MCPH1: variants seen among roughly 807,000 people sequenced by gnomAD.
MCPH1 encodes the protein microcephalin 1.
MCPH1 carries 104 observed loss-of-function variants against 84.5 expected under a neutral mutation model. The ratio of observed to expected loss-of-function variants is 1.23; its 90% CI spans 1.05 to 1.45. The LOEUF (loss-of-function observed/expected upper bound fraction) is 1.45. Among genes scored for constraint, MCPH1 ranks in the 40% most tolerant of loss-of-function variants. MCPH1 has a pLI of 0.00. For missense variants in MCPH1, 1,498 were observed against 1,005.7 expected, an observed-to-expected ratio of 1.49 and a Z score of -6.62; for synonymous variants, 514 against 366.8, an observed-to-expected ratio of 1.40 and a Z score of -4.58.
At chr8:6,532,290 C>T in intron 12 of MCPH1, 1 of 1,612,934 alleles carries the variant, frequency 6.2e-7, no homozygotes, top group East Asian at 2.2e-5. Flanking sequence ...GTGCTAGTCT[C>T]TAGCTGCAGG....
intron 12 of MCPH1, among the ~76,000 whole-genome samples, chr8:6,613,702 T>C (rs1410261380): frequency 2.0e-5 from 3 of 151,716 alleles, no homozygotes; most frequent in African/African-American, 4.8e-5. Context: ...GTGATGGAGA[T>C]AGAGACAGAG....
At chr8:6,586,201 T>A (rs1470709395) in intron 12 of MCPH1, among the ~76,000 whole-genome samples, 1 of 152,090 alleles carries the variant, frequency 6.6e-6, no homozygotes, top group Non-Finnish European at 1.5e-5. Context: ...GCTCAAGTGA[T>A]CCTCCTGCCT....
intron 3 of MCPH1, among the ~76,000 whole-genome samples, chr8:6,429,499 C>T (rs1226777721): frequency 2.0e-5 from 3 of 152,096 alleles, no homozygotes; most frequent in Non-Finnish European, 2.9e-5. Context: ...GGACTCCTCC[C>T]CCGCCCCAGC....
At chr8:6,509,657 C>T (rs1563315896) in intron 12 of MCPH1, among the ~76,000 whole-genome samples, 1 of 152,186 alleles carries the variant, frequency 6.6e-6, no homozygotes, top group Non-Finnish European at 1.5e-5. Flanking sequence ...ACACTATTTA[C>T]AATACAGACG....
At chr8:6,552,316 C>A (rs1342731595) in intron 12 of MCPH1, among the ~76,000 whole-genome samples, 3 of 152,172 alleles carry the variant, frequency 2.0e-5, no homozygotes, top group African/African-American at 7.2e-5. Context: ...CATATTCACG[C>A]AGTCACAGCA....
intron 10 of MCPH1, among the ~76,000 whole-genome samples, chr8:6,478,164 A>G (rs1006681174): frequency 1.3e-5 from 2 of 152,232 alleles, no homozygotes; most frequent in African/African-American, 4.8e-5. Context: ...TGTTTTTGAT[A>G]TCAATCATAG....
intron 9 of MCPH1, among the ~76,000 whole-genome samples, chr8:6,461,034 C>T (rs1479456607): frequency 6.6e-6 from 1 of 152,110 alleles, no homozygotes; most frequent in African/African-American, 2.4e-5. Context: ...TCTGAGAAGA[C>T]AGCAGTAAGA....
intron 9 of MCPH1, chr8:6,473,756 A>G (rs1423192387): frequency 1.4e-6 from 1 of 693,376 alleles, no homozygotes; most frequent in African/African-American, 1.8e-5. Flanking sequence ...TGAGTTTAAT[A>G]AAGCGTTCCT....
chr8:6,447,656 G>A (rs961294478), intron 8 of MCPH1, among the ~76,000 whole-genome samples: 2 of 151,974 alleles, frequency 1.3e-5, no homozygotes, highest in Admixed American at 1.3e-4. Context: ...GTTCAAGCAA[G>A]TCTCTGCCTC....
intron 12 of MCPH1, chr8:6,509,183 A>G (rs562851132): frequency 1.6e-6 from 2 of 1,272,032 alleles, no homozygotes; most frequent in East Asian, 2.4e-5. Context: ...TTAATGGACT[A>G]ATGCATACTC....
intron 12 of MCPH1, among the ~76,000 whole-genome samples, chr8:6,576,046 CTTAA>C (rs1563147276): frequency 4.1e-5 from 1 of 24,608 alleles, no homozygotes; most frequent in African/African-American, 9.0e-5. Flanking sequence ...CTAATACAGC[CTTAA>C]AAAAAAAAAA....
chr8:6,642,623 C>T (rs868754888), intron 13 of MCPH1: 2 of 372,044 alleles, frequency 5.4e-6, no homozygotes, highest in East Asian at 1.3e-4. Context: ...CTGCCTTATG[C>T]CAAGAGTACT....
chr8:6,569,152 T>A (rs965287149), intron 12 of MCPH1, among the ~76,000 whole-genome samples: 1 of 152,190 alleles, frequency 6.6e-6, no homozygotes, highest in Non-Finnish European at 1.5e-5. Flanking sequence ...TTAAAGTTAT[T>A]TTTATTACTT....
intron 7 of MCPH1, among the ~76,000 whole-genome samples, chr8:6,442,772 A>G (rs992097861): frequency 2.0e-5 from 3 of 152,242 alleles, no homozygotes; most frequent in Admixed American, 2.0e-4. Flanking sequence ...AGTAGCAGTG[A>G]TCCCTGAAAG....
intron 12 of MCPH1, among the ~76,000 whole-genome samples, chr8:6,554,027 C>G (rs1463987490): frequency 6.6e-6 from 1 of 151,460 alleles, no homozygotes. Flanking sequence ...TAACCTTCAT[C>G]CCTGAAATTT....
intron 12 of MCPH1, among the ~76,000 whole-genome samples, chr8:6,556,299 T>C (rs1326143396): frequency 2.6e-5 from 4 of 152,206 alleles, no homozygotes; most frequent in African/African-American, 9.6e-5. Context: ...ATACCTGATA[T>C]TTACTTTTTG....
At chr8:6,632,186 A>G (rs888107813) in intron 13 of MCPH1, among the ~76,000 whole-genome samples, 3 of 152,222 alleles carry the variant, frequency 2.0e-5, no homozygotes, top group African/African-American at 7.2e-5. Context: ...GTAGGCAGGA[A>G]GGGAGTGGAG....
At chr8:6,617,851 ATGTCTGTC>A (rs765859701) in intron 12 of MCPH1, among the ~76,000 whole-genome samples, 3 of 151,228 alleles carry the variant, frequency 2.0e-5, no homozygotes, top group Non-Finnish European at 4.4e-5. Flanking sequence ...TTGCTTATCT[ATGTCTGTC>A]TGTCTGTCTG....
chr8:6,481,222 G>C (rs988115464), intron 11 of MCPH1, among the ~76,000 whole-genome samples: 1 of 152,220 alleles, frequency 6.6e-6, no homozygotes, highest in East Asian at 1.9e-4. Flanking sequence ...AAGAAACATT[G>C]TGAGCTGTGG....
Sources: gnomAD v4.1 joint callset for allele counts (sites outside exome capture counted in the v4.1 genomes callset) on GRCh38, gnomAD v4.1.1 for gene constraint, MANE v1.5 for transcripts, NCBI Gene and HGNC (gene_info 2026-07-23, HGNC 2026-07-21) for gene names.